Variants in PCDH11X observed in about 807,000 individuals in gnomAD.
PCDH11X encodes the protein protocadherin-11 X-linked.
PCDH11X carries 18 observed loss-of-function variants against 53.3 expected under a neutral mutation model. That is an observed-to-expected ratio of 0.34 (90% CI 0.23 to 0.50). PCDH11X has a LOEUF of 0.50. PCDH11X is among the 20% of genes least tolerant of loss of function. PCDH11X has a pLI of 0.98. For missense variants in PCDH11X, 570 were observed against 1,032.4 expected (o/e 0.55, Z 6.14); for synonymous variants, 279 against 393.3 (o/e 0.71, Z 3.44).
At chrX:92,566,510 A>T (rs1921488501) in intron 10 of PCDH11X, among the ~76,000 whole-genome samples, 1 of 109,610 alleles carries the variant, frequency 9.1e-6, no homozygotes, top group African/African-American at 3.3e-5. Context: ...ATTTAGATGA[A>T]CTAAATCCAG....
intron 10 of PCDH11X, among the ~76,000 whole-genome samples, chrX:92,545,387 C>CTTTTTTTTTTT: frequency 1.5e-5 from 1 of 66,053 alleles, no homozygotes; most frequent in Non-Finnish European, 2.6e-5. Flanking sequence ...GGTTAAATTC[C>CTTTTTTTTTTT]TTTTTTTTTT....
intron 6 of PCDH11X, among the ~76,000 whole-genome samples, chrX:92,163,547 A>G (rs1016959440): frequency 9.0e-6 from 1 of 110,756 alleles, no homozygotes; most frequent in Non-Finnish European, 1.9e-5. Flanking sequence ...TCACTTGGCT[A>G]TCTAAATTGA....
chrX:91,818,081 A>C (rs1228852848), intron 4 of PCDH11X, among the ~76,000 whole-genome samples: 1 of 111,721 alleles, frequency 9.0e-6, no homozygotes, highest in Non-Finnish European at 1.9e-5. Flanking sequence ...ATAGGAAAAT[A>C]TTTTACATTT....
At chrX:92,129,805 G>A (rs1401270919) in intron 6 of PCDH11X, among the ~76,000 whole-genome samples, 1 of 111,256 alleles carries the variant, frequency 9.0e-6, no homozygotes, top group African/African-American at 3.3e-5. Context: ...GAGACAGAAA[G>A]GTCTGAGAGT....
At chrX:92,544,473 G>A (rs773804184) in intron 10 of PCDH11X, among the ~76,000 whole-genome samples, 10 of 110,275 alleles carry the variant, frequency 9.1e-5, no homozygotes, top group African/African-American at 2.6e-4. Context: ...TTTTGAAGAC[G>A]TGTTAGATGT....
intron 6 of PCDH11X, among the ~76,000 whole-genome samples, chrX:92,154,796 G>T (rs1480010170): frequency 2.0e-5 from 2 of 99,528 alleles, no homozygotes; most frequent in Non-Finnish European, 4.0e-5. Flanking sequence ...CCGATTCCGG[G>T]GGAAAACTAT....
Position 91,903,688 on chromosome X carries a change from T to C in PCDH11X, c.3033+24415T>C, listed in dbSNP as rs569911281. On this transcript the variant is annotated intron_variant, in intron 6 of 10. Coordinates refer to ENST00000682573, the MANE Select transcript of PCDH11X (RefSeq NM_032968.5). ...GTGTGTGTGTGTGTGTGTGTGTGTGTGCGTGTATAAAATATTTGAGTAGAA... is the reference window on the plus strand; with the variant it reads ...GTGTGTGTGTGTGTGTGTGTGTGTGCGCGTGTATAAAATATTTGAGTAGAA... Among the ~76,000 whole-genome samples, 133 of 107,736 alleles carry C rather than the reference T, an allele frequency of 1.2e-3. 1 individual carries two copies. In the South Asian group the frequency reaches 0.053, roughly 43 times the overall value. 93.6% of individuals were successfully genotyped at this position (107,736 alleles called of 115,157 possible). A position where few individuals can be genotyped will look rare whatever the true frequency, so the allele number is the denominator to read the frequency against.
chrX:92,434,880 T>G (rs2072335048), intron 9 of PCDH11X, among the ~76,000 whole-genome samples: 1 of 109,116 alleles, frequency 9.2e-6, no homozygotes, highest in African/African-American at 3.4e-5. Flanking sequence ...TACACTGAAG[T>G]TAAAGGAACA....
intron 4 of PCDH11X, among the ~76,000 whole-genome samples, chrX:91,828,219 A>T (rs1458715628): frequency 4.8e-5 from 5 of 104,459 alleles, no homozygotes; most frequent in Admixed American, 2.1e-4. Context: ...TCCCGGGTTC[A>T]CGCCATTCTC....
intron 6 of PCDH11X, among the ~76,000 whole-genome samples, chrX:92,009,732 C>A (rs1282747051): frequency 1.2e-5 from 1 of 81,229 alleles, no homozygotes; most frequent in African/African-American, 4.9e-5. Flanking sequence ...GAGACGGAGT[C>A]ATCTCTCTCT....
chrX:92,508,660 T>C (rs1470482214), intron 10 of PCDH11X, among the ~76,000 whole-genome samples: 1 of 109,775 alleles, frequency 9.1e-6, no homozygotes, highest in Non-Finnish European at 1.9e-5. Context: ...AAATAGAATA[T>C]GGTAAAATTA....
chrX:92,066,460 C>T (rs1232428246), intron 6 of PCDH11X, among the ~76,000 whole-genome samples: 2 of 106,340 alleles, frequency 1.9e-5, no homozygotes, highest in Non-Finnish European at 3.9e-5. Flanking sequence ...ACAATATTGG[C>T]TCTTGTGATT....
chrX:92,198,408 CT>C (rs1450452250), intron 6 of PCDH11X, among the ~76,000 whole-genome samples: 1 of 2,655 alleles, frequency 3.8e-4, no homozygotes, highest in Admixed American at 8.5e-3. Context: ...GAGATCCTGT[CT>C]CAAAAAAAAA....
At chrX:92,275,032 G>GTA (rs1569451091) in intron 8 of PCDH11X, among the ~76,000 whole-genome samples, 1 of 106,927 alleles carries the variant, frequency 9.4e-6, no homozygotes, top group Non-Finnish European at 1.9e-5. Context: ...GGAGCAGAAA[G>GTA]TATATGCGTC....
At chrX:92,473,424 A>G (rs1415998448) in intron 10 of PCDH11X, among the ~76,000 whole-genome samples, 1 of 111,182 alleles carries the variant, frequency 9.0e-6, no homozygotes, top group Non-Finnish European at 1.9e-5. Flanking sequence ...GATCTTTTGT[A>G]TTGATTTCTT....
At chrX:91,789,200 C>CAAAAAAAAAAAAAAAA (rs764959497) in intron 1 of PCDH11X, among the ~76,000 whole-genome samples, 3 of 47,185 alleles carry the variant, frequency 6.4e-5, no homozygotes, top group Admixed American at 3.4e-4. Context: ...GACTCCGTCT[C>CAAAAAAAAAAAAAAAA]AAAAAAAAAA....
intron 6 of PCDH11X, among the ~76,000 whole-genome samples, chrX:92,101,204 T>G (rs184197550): frequency 0.014 from 1,578 of 111,452 alleles, 26 homozygotes; most frequent in African/African-American, 0.048. Flanking sequence ...TATGAGTAGT[T>G]GAGAACGGAG....
chrX:91,870,145 G>A (rs1421404728), intron 5 of PCDH11X, among the ~76,000 whole-genome samples: 2 of 111,596 alleles, frequency 1.8e-5, no homozygotes, highest in African/African-American at 6.5e-5. Context: ...GTGCTTCACT[G>A]TTCTCGTGGA....
At chrX:92,532,650 C>T (rs1174658720) in intron 10 of PCDH11X, among the ~76,000 whole-genome samples, 2 of 59,656 alleles carry the variant, frequency 3.4e-5, no homozygotes, top group African/African-American at 1.1e-4. Context: ...AAGTTCTCCT[C>T]CTTCATTTAA....
Sources: gnomAD v4.1 joint callset for allele counts (sites outside exome capture counted in the v4.1 genomes callset) on GRCh38, gnomAD v4.1.1 for gene constraint, MANE v1.5 for transcripts, NCBI Gene and HGNC (gene_info 2026-07-23, HGNC 2026-07-21) for gene names.